Variants in SNX29 observed in about 807,000 individuals in gnomAD.
The protein encoded by SNX29 is sorting nexin 29, also known as sorting nexin-29.
In SNX29, 78 loss-of-function variants were observed where a neutral mutation model predicts 102.1. The observed-to-expected ratio is 0.76, with a 90% CI of 0.64 to 0.92. SNX29 has a LOEUF of 0.92. SNX29 is among the 40% of genes least tolerant of loss of function. The pLI is 0.00. For missense variants in SNX29, 1,280 were observed against 1,061.7 expected (o/e 1.21, Z -2.86); for synonymous variants, 580 against 414.5 (o/e 1.40, Z -4.85).
At chr16:12,396,109 A>C (rs1281209110) in intron 16 of SNX29, among the ~76,000 whole-genome samples, 2 of 152,156 alleles carry the variant, frequency 1.3e-5, no homozygotes, top group African/African-American at 4.8e-5. Context: ...GAAGGATTGA[A>C]CCACTCCTGG....
rs1264171978 is a variant in SNX29 at position 12,052,163 on chromosome 16, T to C, written c.1065T>C (p.Asp355=). The C allele has an allele frequency of 6.2e-7, 1 of 1,613,924 alleles. No individual in the cohort carries two copies. Among genetic ancestry groups the C allele is most frequent in the Admixed American group, 1.7e-5 (1 of 60,014 alleles). Reference sequence around the variant, plus strand: ...ATGAAGATGTGGATGAAAACGAAGATGACGTGTATGGAAACTCATCAGGAA... The same window carrying C: ...ATGAAGATGTGGATGAAAACGAAGACGACGTGTATGGAAACTCATCAGGAA... The part of the protein sequence containing the change: ...IDDEDVDENE[D]DVYGNSSGRK... Residue 355 remains aspartate (D), a synonymous_variant, in exon 8 of 21, where the codon GAT becomes GAC. Transcript: ENST00000566228.
intron 18 of SNX29, among the ~76,000 whole-genome samples, chr16:12,427,871 A>C (rs940930050): frequency 1.3e-5 from 2 of 152,242 alleles, no homozygotes; most frequent in African/African-American, 4.8e-5. Context: ...TTCTGAGGGC[A>C]AGTTCCCAGA....
chr16:12,059,851 A>C (rs1316749833), intron 8 of SNX29, among the ~76,000 whole-genome samples: 1 of 152,198 alleles, frequency 6.6e-6, no homozygotes, highest in East Asian at 1.9e-4. Context: ...GACTCGGTGC[A>C]CTTGAGTTTG....
intron 11 of SNX29, among the ~76,000 whole-genome samples, chr16:12,108,046 C>G (rs931051269): frequency 3.3e-5 from 5 of 152,026 alleles, no homozygotes; most frequent in African/African-American, 1.2e-4. Context: ...CCATGTTGAA[C>G]CATAGAGATT....
At chr16:12,561,075 T>A in intron 20 of SNX29, 1 of 225,054 alleles carries the variant, frequency 4.4e-6, no homozygotes, top group South Asian at 1.8e-4. Context: ...CCTTGATGGA[T>A]GTCAGCATAG....
At chr16:12,452,812 C>T (rs2086365819) in intron 18 of SNX29, among the ~76,000 whole-genome samples, 2 of 152,142 alleles carry the variant, frequency 1.3e-5, no homozygotes, top group African/African-American at 2.4e-5. Flanking sequence ...GTCACCTCTG[C>T]TCCGACATGA....
chr16:12,524,829 T>C lies in SNX29; in HGVS notation c.2306T>C (p.Met769Thr). 26 of 1,613,626 alleles carry C rather than the reference T, an allele frequency of 1.6e-5. No homozygotes were observed. The highest frequency in any genetic ancestry group is 1.9e-5 in the Non-Finnish European group (22 of 1,179,746). ...SPKKETLIQL[M>T]PFFVDITPPG... The stretch of plus-strand genomic sequence containing the variant: ...AAGAAGGAGACCCTCATCCAGCTGA[T>C]GCCCTTCTTCGTGTAAGTACTGCTC... Residue 769 changes from methionine (M) to threonine (T), a missense_variant, in exon 20 of 21, where the codon ATG (methionine) becomes ACG (threonine). By Grantham distance (81) the Met-to-Thr change is moderately conservative. Coordinates refer to ENST00000566228, the MANE Select transcript of SNX29 (RefSeq NM_032167.5).
chr16:12,289,583 C>G (rs997500264), intron 15 of SNX29, among the ~76,000 whole-genome samples: 2 of 152,188 alleles, frequency 1.3e-5, no homozygotes, highest in East Asian at 1.9e-4. Context: ...TCTGCTGAAG[C>G]CTCATTTCCA....
intron 14 of SNX29, among the ~76,000 whole-genome samples, chr16:12,241,275 A>G (rs939643090): frequency 6.6e-6 from 1 of 152,198 alleles, no homozygotes; most frequent in Non-Finnish European, 1.5e-5. Flanking sequence ...GTTGTGAACA[A>G]AAAAAGAAAA....
At chr16:12,440,893 G>A (rs369257818) in intron 18 of SNX29, among the ~76,000 whole-genome samples, 1 of 152,158 alleles carries the variant, frequency 6.6e-6, no homozygotes, top group East Asian at 1.9e-4. Flanking sequence ...TAGTACTGCA[G>A]TGAATATGTG....
chr16:12,512,412 ATATATAG>A (rs2089670452), intron 19 of SNX29, among the ~76,000 whole-genome samples: 3 of 56,642 alleles, frequency 5.3e-5, no homozygotes, highest in African/African-American at 2.6e-4. Flanking sequence ...ATATATATAT[ATATATAG>A]TTTTCGGTTT....
intron 20 of SNX29, among the ~76,000 whole-genome samples, chr16:12,549,966 C>T (rs1050922097): frequency 2.0e-5 from 3 of 152,214 alleles, no homozygotes; most frequent in African/African-American, 7.2e-5. Flanking sequence ...TTGGAACATG[C>T]CCAGTCATTC....
chr16:12,539,072 C>A (rs2077206942), intron 20 of SNX29, among the ~76,000 whole-genome samples: 1 of 152,146 alleles, frequency 6.6e-6, no homozygotes, highest in African/African-American at 2.4e-5. Context: ...TGGGATAGGG[C>A]CAAGTTTAAT....
chr16:12,092,519 T>G (rs350231), intron 11 of SNX29, among the ~76,000 whole-genome samples: 100,363 of 152,030 alleles, frequency 0.66, 34,360 homozygotes, highest in East Asian at 0.92. Context: ...GTCAGGGAGA[T>G]GCAGCTGGTT....
chr16:12,541,763 T>TG (rs1476019542), intron 20 of SNX29, among the ~76,000 whole-genome samples: 1 of 152,188 alleles, frequency 6.6e-6, no homozygotes, highest in East Asian at 1.9e-4. Flanking sequence ...TGCCTGATAC[T>TG]GACCTGCGTT....
rs967927240 is a variant in SNX29, at chr16:12,572,104, G to A, written c.*3475G>A. 2.8e-6 allele frequency: 3 copies of A among 1,054,598 alleles called. No homozygotes were observed. The highest frequency in any genetic ancestry group is 9.2e-5 in the South Asian group (2 of 21,754). The allele number at this position is 1,054,598 out of a possible 1,614,324, so 65.3% of individuals were successfully genotyped here. ...GAGGAAGGGGAGGGATGTGGACTGG[G>A]TCTGATCACAGCCCTTGGCCCTGCT... is the stretch of plus-strand genomic sequence containing the variant. On this transcript the variant is annotated 3_prime_UTR_variant, in exon 21 of 21. Transcript: ENST00000566228.
At chr16:12,302,755 C>T (rs2080219288) in intron 15 of SNX29, among the ~76,000 whole-genome samples, 1 of 152,202 alleles carries the variant, frequency 6.6e-6, no homozygotes, top group African/African-American at 2.4e-5. Context: ...AAACTTCCTG[C>T]TAGGTAATAC....
At chr16:12,219,898 C>G (rs535004367) in intron 14 of SNX29, among the ~76,000 whole-genome samples, 1 of 152,314 alleles carries the variant, frequency 6.6e-6, no homozygotes, top group Admixed American at 6.5e-5. Context: ...TCCGGGTACC[C>G]CTCACTCCAC....
At chr16:12,337,979 T>TGGGTTGAATCCAGGTTC (rs2081503260) in intron 15 of SNX29, among the ~76,000 whole-genome samples, 4 of 152,178 alleles carry the variant, frequency 2.6e-5, no homozygotes, top group Non-Finnish European at 4.4e-5. Flanking sequence ...GCTGCGGTCT[T>TGGGTTGAATCCAGGTTC]TGGGTTGAAT....
Sources: allele counts gnomAD v4.1 joint callset (sites outside exome capture counted in the v4.1 genomes callset), GRCh38; gene constraint gnomAD v4.1.1; transcripts MANE v1.5; gene names NCBI Gene and HGNC (gene_info 2026-07-23, HGNC 2026-07-21).